GTF2IRD1: variants seen among roughly 807,000 people sequenced by gnomAD.
The protein encoded by GTF2IRD1 is GTF2I repeat domain containing 1.
In GTF2IRD1, 26 loss-of-function variants were observed where a neutral mutation model predicts 113.2. The observed-to-expected ratio is 0.23, with a 90% CI of 0.17 to 0.32. The LOEUF is 0.32. Among genes scored for constraint, GTF2IRD1 ranks in the 10% least tolerant of loss-of-function variants. The probability of loss-of-function intolerance (pLI) is 1.00; values close to 1 mark genes in which losing one functional copy is unlikely to be tolerated. For synonymous variants in GTF2IRD1, 484 were observed against 529.1 expected, an observed-to-expected ratio of 0.91 and a Z score of 1.17; for missense variants, 864 against 1,280.8, an observed-to-expected ratio of 0.67 and a Z score of 4.97.
At chr7:74,481,141 T>C (rs1554334564) in intron 1 of GTF2IRD1, among the ~76,000 whole-genome samples, 1 of 152,182 alleles carries the variant, frequency 6.6e-6, no homozygotes, top group African/African-American at 2.4e-5. Flanking sequence ...TTTGTTTTGC[T>C]CTATTTTTTA....
At chr7:74,518,348 T>G (rs1191853487) in intron 5 of GTF2IRD1, 26 bp downstream of exon 5, 3 of 1,550,156 alleles carry the variant, frequency 1.9e-6, no homozygotes, top group Non-Finnish European at 2.6e-6. Context: ...GGCCCGGGGC[T>G]GGGCTGGGGC....
chr7:74,553,147 T>G (rs1469133251), intron 17 of GTF2IRD1, among the ~76,000 whole-genome samples: 1 of 151,650 alleles, frequency 6.6e-6, no homozygotes, highest in Non-Finnish European at 1.5e-5. Context: ...CTTTTGTGGG[T>G]TTTTTTTGAG....
intron 9 of GTF2IRD1, among the ~76,000 whole-genome samples, chr7:74,531,958 G>C (rs1797987247): frequency 1.3e-5 from 2 of 152,134 alleles, no homozygotes; most frequent in Non-Finnish European, 2.9e-5. Flanking sequence ...CCCCAGGGCT[G>C]TGGGTTCACA....
At chr7:74,458,780 G>A (rs975267388) in intron 1 of GTF2IRD1, among the ~76,000 whole-genome samples, 8 of 151,496 alleles carry the variant, frequency 5.3e-5, no homozygotes, top group Non-Finnish European at 1.0e-4. Context: ...TCAGCCTCCC[G>A]AGTAGCTGGG....
chr7:74,591,099 T>A lies in GTF2IRD1; in HGVS notation c.2591+82T>A. On this transcript the variant is annotated intron_variant, in intron 24 of 26. Transcript: ENST00000424337. ...AAAGTCAAGGTCACGGTGGGTCAGC[T>A]GGGATCCAGACCCAGGTGTACTGTA... The A allele has an allele frequency of 2.2e-6, 2 of 908,388 alleles. 1 individual carries two copies. The highest frequency in any genetic ancestry group is 6.9e-4 in the Middle Eastern group (2 of 2,884). The allele number at this position is 908,388 out of a possible 1,614,324, so 56.3% of individuals were successfully genotyped here.
chr7:74,537,255 CAA>C (rs1798351082), intron 11 of GTF2IRD1, among the ~76,000 whole-genome samples: 1 of 151,646 alleles, frequency 6.6e-6, no homozygotes, highest in Non-Finnish European at 1.5e-5. Context: ...ACTAAAAATA[CAA>C]AAAAAATTAG....
At position 74,555,373 on chromosome 7, in the gene GTF2IRD1, G is replaced by C; in HGVS notation, c.1967-65G>C. 6.3e-7 allele frequency: 1 copy of C among 1,578,224 alleles called. No homozygotes were observed. The highest frequency in any genetic ancestry group is 2.2e-5 in the East Asian group (1 of 44,666). On this transcript the variant is annotated intron_variant, in intron 18 of 26. Coordinates refer to ENST00000424337, the MANE Select transcript of GTF2IRD1 (RefSeq NM_005685.4). The surrounding 1 kb of genome is among the most constrained non-coding windows in gnomAD (Gnocchi z 5.3). ...ACCCCCACATTGGGTTTCCCCTAACGATGCCATCTTGGGTCCCAGGAACTG... is the reference window on the plus strand; with the variant it reads ...ACCCCCACATTGGGTTTCCCCTAACCATGCCATCTTGGGTCCCAGGAACTG...
intron 1 of GTF2IRD1, 70 bp from the exon 2 acceptor site, chr7:74,508,005 G>T (rs1236725607): frequency 6.6e-7 from 1 of 1,518,932 alleles, no homozygotes; most frequent in Non-Finnish European, 8.8e-7. Context: ...GTGGATTGGG[G>T]TGGGCAGCCA....
chr7:74,458,466 T>C (rs1269950361), intron 1 of GTF2IRD1, among the ~76,000 whole-genome samples: 1 of 151,836 alleles, frequency 6.6e-6, no homozygotes, highest in Non-Finnish European at 1.5e-5. Flanking sequence ...CATAGAAACA[T>C]GTGCTTTCTA....
intron 17 of GTF2IRD1, among the ~76,000 whole-genome samples, chr7:74,547,810 G>A (rs1307312192): frequency 2.8e-5 from 4 of 141,564 alleles, no homozygotes; most frequent in Non-Finnish European, 6.0e-5. Context: ...TTTGGCTGCA[G>A]TTGGCAGACA....
chr7:74,489,235 C>T (rs1795192724), intron 1 of GTF2IRD1, among the ~76,000 whole-genome samples: 1 of 152,202 alleles, frequency 6.6e-6, no homozygotes, highest in Non-Finnish European at 1.5e-5. Context: ...CGAGTTCACC[C>T]TGCCATCCTC....
chr7:74,547,067 G>A (rs782221709), intron 16 of GTF2IRD1, 36 bp from the exon 17 acceptor site: 14 of 1,589,760 alleles, frequency 8.8e-6, no homozygotes. Context: ...TGGCCCTGTG[G>A]CACCGGGTGG....
At chr7:74,459,892 G>T (rs1483692473) in intron 1 of GTF2IRD1, among the ~76,000 whole-genome samples, 3 of 152,056 alleles carry the variant, frequency 2.0e-5, no homozygotes, top group African/African-American at 7.2e-5. Context: ...CCCTGGAGTT[G>T]GGATCAGGGC....
chr7:74,460,446 G>T (rs527911755), intron 1 of GTF2IRD1, among the ~76,000 whole-genome samples: 1 of 150,494 alleles, frequency 6.6e-6, no homozygotes, highest in African/African-American at 2.5e-5. Flanking sequence ...GGGGTCTTGC[G>T]ATGTTGCCCA....
In GTF2IRD1 at chr7:74,474,244, A is replaced by T. The variant is rs1160779400; in HGVS notation, c.-7+20068A>T. Among the ~76,000 whole-genome samples, 6 of 152,330 alleles carry T rather than the reference A, an allele frequency of 3.9e-5. No homozygotes were observed. In the South Asian group the frequency reaches 8.3e-4, roughly 21 times the overall value. ...GGGCAATGAAGTGAGACTCTGTCTC[A>T]AAAGAAAACGATATTTTCTTACCTA... On this transcript the variant is annotated intron_variant, in intron 1 of 26. Transcript: ENST00000424337.
chr7:74,459,326 C>T (rs1389488943), intron 1 of GTF2IRD1, among the ~76,000 whole-genome samples: 1 of 151,954 alleles, frequency 6.6e-6, no homozygotes, highest in Non-Finnish European at 1.5e-5. Flanking sequence ...GGCGTAGTGG[C>T]GGGCGCCTGT....
intron 22 of GTF2IRD1, among the ~76,000 whole-genome samples, chr7:74,563,271 G>T (rs1296548000): frequency 3.9e-5 from 6 of 152,110 alleles, no homozygotes; most frequent in Admixed American, 3.3e-4. Flanking sequence ...TTTCCAGGGG[G>T]ACAAACCCTG....
intron 3 of GTF2IRD1, among the ~76,000 whole-genome samples, chr7:74,515,007 A>G (rs1796843264): frequency 6.8e-6 from 1 of 146,576 alleles, no homozygotes; most frequent in Non-Finnish European, 1.5e-5. Context: ...TAGTGAGCCA[A>G]GCTTGTGCCA....
At chr7:74,469,850 C>T (rs1213461864) in intron 1 of GTF2IRD1, among the ~76,000 whole-genome samples, 2 of 149,894 alleles carry the variant, frequency 1.3e-5, no homozygotes, top group East Asian at 4.0e-4. Context: ...ACTGCAGGCA[C>T]CAAGCCACCA....
Sources: gnomAD v4.1 joint callset for allele counts (sites outside exome capture counted in the v4.1 genomes callset) on GRCh38, gnomAD v4.1.1 for gene constraint, Gnocchi (gnomAD v3.1) non-coding constraint, MANE v1.5 for transcripts, NCBI Gene and HGNC (gene_info 2026-07-23, HGNC 2026-07-21) for gene names.